Variants in HFM1 observed in about 807,000 individuals in gnomAD.
HFM1 encodes helicase for meiosis 1.
A neutral mutation model predicts 192.1 loss-of-function variants in HFM1; 169 were observed. The ratio of observed to expected loss-of-function variants is 0.88; its 90% CI spans 0.78 to 1.00. The LOEUF is 1.00. Ranked by LOEUF, HFM1 falls within the 50% of genes least tolerant of loss-of-function variation. The probability of loss-of-function intolerance (pLI) is 0.00; values close to 1 mark genes in which losing one functional copy is unlikely to be tolerated. For missense variants in HFM1, 1,661 were observed against 1,668.0 expected (o/e 1.00, Z 0.07); for synonymous variants, 525 against 537.8 (o/e 0.98, Z 0.33).
intron 17 of HFM1, 87 bp from the exon 18 acceptor site, chr1:91,350,958 T>C (rs1488896422): frequency 2.0e-6 from 2 of 998,124 alleles, no homozygotes; most frequent in African/African-American, 1.7e-5. Flanking sequence ...AATATACCCA[T>C]TGCTACTTTA....
chr1:91,378,423 G>C lies in HFM1; in HGVS notation c.1216C>G (p.Arg406Gly), dbSNP rs780481996. 5.0e-6 allele frequency: 8 copies of C among 1,603,082 alleles called. No homozygotes were observed. Among genetic ancestry groups the C allele is most frequent in the Non-Finnish European group, 3.4e-6 (4 of 1,172,564 alleles). The change falls in exon 10 of 39, where the codon CGA becomes GGA. Residue 406 changes from arginine (R) to glycine (G), a missense_variant. By Grantham distance (125) the Arg-to-Gly change is moderately radical. Coordinates refer to ENST00000370425, the MANE Select transcript of HFM1 (RefSeq NM_001017975.6). ...ATTACCTCATCAATGAGAAACAGTC[G>C]AACCAGCTGAACCAAAGAGTTGTCT... ...WRDNSLVQLV[R>G]LFLIDEVHIV...
At chr1:91,291,612 C>A (rs1318527254) in intron 30 of HFM1, among the ~76,000 whole-genome samples, 1 of 152,138 alleles carries the variant, frequency 6.6e-6, no homozygotes, top group Non-Finnish European at 1.5e-5. Flanking sequence ...TAGCCGAATT[C>A]TACCAGAGGT....
chr1:91,387,646 C>T (rs1196088366), intron 4 of HFM1, among the ~76,000 whole-genome samples: 1 of 151,270 alleles, frequency 6.6e-6, no homozygotes, highest in Admixed American at 6.6e-5. Flanking sequence ...AACCATCATT[C>T]TCAGTAAACT....
chr1:91,394,116 C>T lies in HFM1; in HGVS notation c.471G>A (p.Glu157=). Residue 157 remains glutamate, a synonymous_variant, in exon 4 of 39, where the codon GAG becomes GAA. Transcript: ENST00000370425. ...KLVNFAEDKG[E]STSVFRKRLF... ...ACCTTTTCCGGAATACTGATGTGCT[C>T]TCTCCTTTATCTTCTGCAAAATTAA... The T allele has an allele frequency of 6.3e-7, 1 of 1,587,852 alleles. No individual in the cohort carries two copies. The highest frequency in any genetic ancestry group is 8.6e-7 in the Non-Finnish European group (1 of 1,162,160).
intron 13 of HFM1, among the ~76,000 whole-genome samples, chr1:91,359,527 T>G (rs1253858848): frequency 7.2e-6 from 1 of 139,508 alleles, no homozygotes; most frequent in African/African-American, 2.7e-5. Context: ...ATTATCTTTC[T>G]GAAATAAGAC....
intron 30 of HFM1, among the ~76,000 whole-genome samples, chr1:91,297,577 C>T (rs940246597): frequency 1.3e-5 from 2 of 152,186 alleles, no homozygotes; most frequent in South Asian, 2.1e-4. Flanking sequence ...CAGCCGGGTA[C>T]CCCTCTGAGA....
At chr1:91,277,651 T>A in intron 30 of HFM1, among the ~76,000 whole-genome samples, 1 of 131,996 alleles carries the variant, frequency 7.6e-6, no homozygotes, top group Non-Finnish European at 1.6e-5. Context: ...ATATATAATA[T>A]ATACTAATAT....
intron 4 of HFM1, among the ~76,000 whole-genome samples, chr1:91,390,836 G>A (rs1662890645): frequency 1.3e-5 from 2 of 152,172 alleles, no homozygotes; most frequent in African/African-American, 4.8e-5. Flanking sequence ...CAGAAGACAT[G>A]ATTGTATATT....
At chr1:91,346,949 C>A (rs530433996) in intron 19 of HFM1, among the ~76,000 whole-genome samples, 1 of 151,942 alleles carries the variant, frequency 6.6e-6, no homozygotes, top group Non-Finnish European at 1.5e-5. Context: ...ACAGTGAGAA[C>A]CCCTTTCTAA....
chr1:91,406,324 G>A (rs1226713153), upstream of HFM1, among the ~76,000 whole-genome samples: 1 of 152,182 alleles, frequency 6.6e-6, no homozygotes, highest in Non-Finnish European at 1.5e-5. Flanking sequence ...TGATAGAATT[G>A]TAGAATTCAG....
upstream of HFM1, among the ~76,000 whole-genome samples, chr1:91,405,662 G>C (rs1408685231): frequency 1.3e-5 from 2 of 152,108 alleles, no homozygotes; most frequent in Non-Finnish European, 2.9e-5. Context: ...CTAACTCCTA[G>C]ATACTGCTGC....
At chr1:91,404,207 G>C (rs1457230481) in intron 1 of HFM1, among the ~76,000 whole-genome samples, 1 of 152,224 alleles carries the variant, frequency 6.6e-6, no homozygotes, top group Non-Finnish European at 1.5e-5. Flanking sequence ...GGCACCAACA[G>C]GGCTGGCTGG....
At chr1:91,324,580 T>C in intron 21 of HFM1, 95 bp downstream of exon 21, 2 of 652,444 alleles carry the variant, frequency 3.1e-6, no homozygotes, top group Non-Finnish European at 5.4e-6. Context: ...GCTCATTCAT[T>C]CTTAAATTAT....
intron 20 of HFM1, among the ~76,000 whole-genome samples, chr1:91,325,236 G>C (rs1487844917): frequency 6.6e-6 from 1 of 152,202 alleles, no homozygotes; most frequent in East Asian, 1.9e-4. Context: ...ACCAGTGAAG[G>C]TCGTGGCCAC....
At chr1:91,313,928 T>C in intron 29 of HFM1, 29 bp downstream of exon 29, 1 of 1,173,846 alleles carries the variant, frequency 8.5e-7, no homozygotes, top group South Asian at 1.4e-5. Context: ...TTATTTATAT[T>C]CATGTCTTCA....
chr1:91,384,979 G>A (rs750825390), intron 6 of HFM1, among the ~76,000 whole-genome samples: 8 of 151,872 alleles, frequency 5.3e-5, no homozygotes, highest in Admixed American at 6.6e-5. Context: ...TCCTGACCTC[G>A]TGATCTGCCT....
At chr1:91,360,927 AC>A (rs1262540950) in intron 13 of HFM1, among the ~76,000 whole-genome samples, 1 of 152,142 alleles carries the variant, frequency 6.6e-6, no homozygotes, top group Non-Finnish European at 1.5e-5. Flanking sequence ...AAACTGAACA[AC>A]CTGCTCCTGA....
intron 3 of HFM1, among the ~76,000 whole-genome samples, chr1:91,394,761 T>TATATATTG (rs1490530376): frequency 6.6e-6 from 1 of 152,068 alleles, no homozygotes; most frequent in Admixed American, 6.6e-5. Flanking sequence ...CACACAGAAA[T>TATATATTG]ACAATGACCA....
chr1:91,336,717 A>C (rs1654623339), intron 20 of HFM1, among the ~76,000 whole-genome samples: 2 of 152,180 alleles, frequency 1.3e-5, no homozygotes, highest in South Asian at 4.1e-4. Flanking sequence ...TTGACCCAGC[A>C]ATCCCATTAC....
Sources: allele counts gnomAD v4.1 joint callset (sites outside exome capture counted in the v4.1 genomes callset), GRCh38; gene constraint gnomAD v4.1.1; transcripts MANE v1.5; gene names NCBI Gene and HGNC (gene_info 2026-07-23, HGNC 2026-07-21).